The following NRL variants were observed in gnomAD, a reference collection of about 807,000 sequenced individuals.
NRL encodes neural retina-specific leucine zipper protein.
Under a neutral mutation model 12.5 loss-of-function variants are expected in NRL, and 16 were observed. That is an observed-to-expected ratio of 1.28 (90% confidence interval 0.87 to 1.95). The LOEUF (loss-of-function observed/expected upper bound fraction) is 1.95. Among genes scored for constraint, NRL ranks in the 30% most tolerant of loss-of-function variants. The pLI is 0.00. For missense variants in NRL, 314 were observed against 325.8 expected (o/e 0.96, Z 0.28); for synonymous variants, 142 against 150.9 (o/e 0.94, Z 0.43).
At chr14:24,104,265 C>T in intron 1 of NRL, 1 of 386,716 alleles carries the variant, frequency 2.6e-6, no homozygotes, top group South Asian at 2.5e-5. Context: ...GTAGCTCTAG[C>T]ACTGGGTCAC....
rs1194114802 is a variant in NRL at position 24,081,686 on chromosome 14, C to T, written c.382-118G>A. The stretch of plus-strand genomic sequence containing the variant: ...GCCCCGCCCCGGCTCCCACCTTCAC[C>T]GGAAGGCTCGCCCTTCCACGCAGTC... On this transcript the variant is annotated intron_variant, in intron 2 of 2. Transcript: ENST00000561028. This position sits in a 1 kb window ranked among gnomAD's most constrained non-coding sequence, Gnocchi z 4.4. 5 of 1,525,466 alleles carry T rather than the reference C, an allele frequency of 3.3e-6. No homozygotes were observed. The highest frequency in any genetic ancestry group is 4.4e-6 in the Non-Finnish European group (5 of 1,137,768). The allele number at this position is 1,525,466 out of a possible 1,614,324, so 94.5% of individuals were successfully genotyped here.
At chr14:24,101,308 T>C (rs750402730) in intron 1 of NRL, among the ~76,000 whole-genome samples, 7 of 152,226 alleles carry the variant, frequency 4.6e-5, no homozygotes, top group Non-Finnish European at 8.8e-5. Flanking sequence ...AGGATGGCTC[T>C]TATCTGCAAT....
In NRL at chr14:24,094,041, T is replaced by C. The variant is rs931280424; in HGVS notation, c.-27-11166A>G. On this transcript the variant is annotated intron_variant, in intron 1 of 2. Transcript: ENST00000561028. This position sits in a 1 kb window ranked among gnomAD's most constrained non-coding sequence, Gnocchi z 4.1. Reference sequence around the variant, plus strand: ...GGGAGCAAGAGTCCTCAAAGTTACATCATGTGCGGCTGGGAGGGCGGTGGC... The same window carrying C: ...GGGAGCAAGAGTCCTCAAAGTTACACCATGTGCGGCTGGGAGGGCGGTGGC... 1 of 538,386 alleles carries C rather than the reference T, an allele frequency of 1.9e-6. No homozygotes were observed. The highest frequency in any genetic ancestry group is 3.3e-6 in the Non-Finnish European group (1 of 307,428). The allele number at this position is 538,386 out of a possible 1,614,324, so 33.4% of individuals were successfully genotyped here.
chr14:24,081,939 G>A lies in NRL; in HGVS notation c.382-371C>T, dbSNP rs1423581373. ...AGCCCCCAACCCTCCAACGCGCTGC[G>A]TTTCCCTGTCCTGAAGCCTGCAACC... On this transcript the variant is annotated intron_variant, in intron 2 of 2. Coordinates refer to ENST00000561028, the MANE Select transcript of NRL (RefSeq NM_001354768.3). The surrounding 1 kb of genome is among the most constrained non-coding windows in gnomAD (Gnocchi z 4.4). 3.2e-6 allele frequency: 4 copies of A among 1,254,702 alleles called. No individual in the cohort carries two copies. Among genetic ancestry groups the A allele is most frequent in the Non-Finnish European group, 4.0e-6 (4 of 988,212 alleles). The allele number at this position is 1,254,702 out of a possible 1,614,324, so 77.7% of individuals were successfully genotyped here.
At chr14:24,098,359 G>A (rs1256628135) in intron 1 of NRL, 6 of 1,612,876 alleles carry the variant, frequency 3.7e-6, no homozygotes, top group Admixed American at 3.3e-5. Flanking sequence ...AGCGAGCTGT[G>A]GATGAGAGGT....
intron 1 of NRL, chr14:24,100,309 T>G (rs1362561376): frequency 6.5e-7 from 1 of 1,535,328 alleles, no homozygotes; most frequent in Non-Finnish European, 8.7e-7. Context: ...CTTCTAGGAC[T>G]GCCAGGAGGC....
chr14:24,093,919 G>T, intron 1 of NRL: 1 of 441,926 alleles, frequency 2.3e-6, no homozygotes, highest in Admixed American at 4.3e-5. Context: ...GAAAGGCAAT[G>T]CCCAACCCCC....
chr14:24,106,758 A>T (rs931710458), intron 1 of NRL, among the ~76,000 whole-genome samples: 1 of 151,826 alleles, frequency 6.6e-6, no homozygotes, highest in African/African-American at 2.4e-5. Flanking sequence ...TTAAAAATTT[A>T]AAAATAATAA....
Position 24,099,186 on chromosome 14 carries a change from A to G in NRL, c.-28+15536T>C, listed in dbSNP as rs146890792. On this transcript the variant is annotated intron_variant, in intron 1 of 2. Coordinates refer to ENST00000561028, the MANE Select transcript of NRL (RefSeq NM_001354768.3). ...GGGCAAGAAGTGCTTTGCCCTACGCATCGCCTCTCGGCTGGCCCGGGATGA... is the reference window on the plus strand; with the variant it reads ...GGGCAAGAAGTGCTTTGCCCTACGCGTCGCCTCTCGGCTGGCCCGGGATGA... 644 of 1,606,662 alleles carry G rather than the reference A, an allele frequency of 4.0e-4. 2 individuals are homozygous for G. The highest frequency in any genetic ancestry group is 5.1e-4 in the Non-Finnish European group (596 of 1,178,814).
intron 1 of NRL, 120 bp downstream of exon 1, chr14:24,114,602 G>T: frequency 1.1e-6 from 1 of 875,114 alleles, no homozygotes; most frequent in Non-Finnish European, 1.4e-6. Context: ...GCCTAGTTCG[G>T]CTGTCTCTGA....
Position 24,092,674 on chromosome 14 carries a change from C to G in NRL, c.-27-9799G>C, listed in dbSNP as rs115372180. On this transcript the variant is annotated intron_variant, in intron 1 of 2. Coordinates refer to ENST00000561028, the MANE Select transcript of NRL (RefSeq NM_001354768.3). ...AGCCTGAGGGGGAAGAGACGGGGAC[C>G]AGTAGCAAGCCCGTGGCTGGAGACC... is the stretch of plus-strand genomic sequence containing the variant. Among the ~76,000 whole-genome samples the G allele has an allele frequency of 9.3e-3, 1,413 of 152,280 alleles. 12 individuals carry two copies. The highest frequency in any genetic ancestry group is 0.033 in the African/African-American group (1,365 of 41,542).
rs547871943 is a variant in NRL at position 24,113,739 on chromosome 14, G to C, written c.-28+983C>G. Among the ~76,000 whole-genome samples the C allele has an allele frequency of 3.9e-5, 6 of 152,360 alleles. No individual in the cohort carries two copies. The South Asian group carries it at 1.2e-3, about 32-fold the overall frequency. ...TCAGGTCTCCGGATCTAGAGACTAG[G>C]AGACGTCGCCCGAAAGCTGGCCAAA... On this transcript the variant is annotated intron_variant, in intron 1 of 2. Transcript: ENST00000561028.
At position 24,094,083 on chromosome 14, in the gene NRL, C is replaced by A; in HGVS notation, c.-27-11208G>T. On this transcript the variant is annotated intron_variant, in intron 1 of 2. Transcript: ENST00000561028. The surrounding 1 kb of genome is among the most constrained non-coding windows in gnomAD (Gnocchi z 4.1). ...GGCGGTGGCGGATGGGGGGCGGGGCCTCGAAGTCGGGGGCCGAAGAGTGGA... is the reference window on the plus strand; with the variant it reads ...GGCGGTGGCGGATGGGGGGCGGGGCATCGAAGTCGGGGGCCGAAGAGTGGA... The A allele has an allele frequency of 1.9e-6, 1 of 534,776 alleles. No individual in the cohort carries two copies. Among genetic ancestry groups the A allele is most frequent in the Non-Finnish European group, 3.3e-6 (1 of 305,362 alleles). The allele number at this position is 534,776 out of a possible 1,614,324, so 33.1% of individuals were successfully genotyped here.
intron 1 of NRL, among the ~76,000 whole-genome samples, chr14:24,101,691 G>A (rs1190333860): frequency 1.3e-5 from 2 of 152,194 alleles, no homozygotes; most frequent in African/African-American, 4.8e-5. Context: ...GGGAGGCCGA[G>A]GCAGTTGGAT....
chr14:24,094,691 ACTCTCAGAACTTC>A lies in NRL; in HGVS notation c.-27-11829_-27-11817del. ...TCTGACCGCGCGATCTCTATCTGCC[ACTCTCAGAACTTC>A]CTCTCTCTCCTCGCTCCTCTCTGCT... On this transcript the variant is annotated intron_variant, in intron 1 of 2. Coordinates refer to ENST00000561028, the MANE Select transcript of NRL (RefSeq NM_001354768.3). This position sits in a 1 kb window ranked among gnomAD's most constrained non-coding sequence, Gnocchi z 4.1. The A allele has an allele frequency of 6.6e-7, 1 of 1,519,404 alleles. No homozygotes were observed. The highest frequency in any genetic ancestry group is 8.8e-7 in the Non-Finnish European group (1 of 1,136,824). 94.1% of individuals were successfully genotyped at this position (1,519,404 alleles called of 1,614,324 possible). A position where few individuals can be genotyped will look rare whatever the true frequency, so the allele number is the denominator to read the frequency against.
chr14:24,084,672 G>C, intron 1 of NRL: 8 of 985,486 alleles, frequency 8.1e-6, no homozygotes, highest in Non-Finnish European at 9.6e-6. Context: ...TAAAGGGCCA[G>C]CTCTCTGAGG....
At chr14:24,091,119 CTG>C (rs55656236) in intron 1 of NRL, among the ~76,000 whole-genome samples, 25,808 of 138,368 alleles carry the variant, frequency 0.19, 2,249 homozygotes, top group East Asian at 0.28. Context: ...CAGAAAAGGC[CTG>C]TGTGTGTGTG....
chr14:24,088,576 A>C (rs1380070454), intron 1 of NRL, among the ~76,000 whole-genome samples: 1 of 152,032 alleles, frequency 6.6e-6, no homozygotes, highest in Non-Finnish European at 1.5e-5. Flanking sequence ...ATTGTGAAGT[A>C]TGTATTTGTC....
Position 24,078,835 on chromosome 14 carries a change from C to T in NRL, c.*2401G>A, listed in dbSNP as rs1056295517. On this transcript the variant is annotated 3_prime_UTR_variant, in exon 3 of 3. Transcript: ENST00000561028. ...CTGCAACTTGAAACAGGGTCTCACT[C>T]TGCCACCCAGGCTGGAATGCAGTGG... Among the ~76,000 whole-genome samples, 1 of 152,194 alleles carries T rather than the reference C, an allele frequency of 6.6e-6. No homozygotes were observed. Among genetic ancestry groups the T allele is most frequent in the African/African-American group, 2.4e-5 (1 of 41,448 alleles).
Sources: gnomAD v4.1 joint callset for allele counts (sites outside exome capture counted in the v4.1 genomes callset) on GRCh38, gnomAD v4.1.1 for gene constraint, Gnocchi (gnomAD v3.1) non-coding constraint, MANE v1.5 for transcripts, NCBI Gene and HGNC (gene_info 2026-07-23, HGNC 2026-07-21) for gene names.